UCK2: variants seen among roughly 807,000 people sequenced by gnomAD.
UCK2 encodes the protein uridine-cytidine kinase 2, also known as cytidine monophosphokinase 2.
UCK2 carries 6 observed loss-of-function variants against 30.8 expected under a neutral mutation model. The ratio of observed to expected loss-of-function variants is 0.19; its 90% CI spans 0.11 to 0.38. The LOEUF (loss-of-function observed/expected upper bound fraction) is 0.38. Among genes scored for constraint, UCK2 ranks in the 10% least tolerant of loss-of-function variants. The pLI, the probability that UCK2 is intolerant of heterozygous loss-of-function variation, is 1.00. For missense variants in UCK2, 210 were observed against 339.8 expected, an observed-to-expected ratio of 0.62 and a Z score of 3.00; for synonymous variants, 125 against 133.6, an observed-to-expected ratio of 0.94 and a Z score of 0.45.
Position 165,888,135 on chromosome 1 carries a change from A to G in UCK2, c.100-2069A>G, listed in dbSNP as rs78443602. Among the ~76,000 whole-genome samples, 1,487 of 152,302 alleles carry G rather than the reference A, an allele frequency of 9.8e-3. 23 individuals are homozygous for G. The highest frequency in any genetic ancestry group is 0.034 in the African/African-American group (1,425 of 41,556). ...TTCCTTACGCTCAGGGCAATCAAACACAACTTTATAAGAATTGTAACTTTA... is the reference window on the plus strand; with the variant it reads ...TTCCTTACGCTCAGGGCAATCAAACGCAACTTTATAAGAATTGTAACTTTA... On this transcript the variant is annotated intron_variant, in intron 1 of 6. Coordinates refer to ENST00000367879, the MANE Select transcript of UCK2 (RefSeq NM_012474.5).
intron 1 of UCK2, among the ~76,000 whole-genome samples, chr1:165,876,259 A>G (rs1655331979): frequency 6.6e-6 from 1 of 152,162 alleles, no homozygotes; most frequent in African/African-American, 2.4e-5. Context: ...AGTAATTGCT[A>G]CTCATTTTGA....
At chr1:165,877,271 A>T (rs1201564974) in intron 1 of UCK2, among the ~76,000 whole-genome samples, 1 of 128,830 alleles carries the variant, frequency 7.8e-6, no homozygotes, top group Non-Finnish European at 1.8e-5. Flanking sequence ...TCTTTTTTTT[A>T]GATAAACATT....
At chr1:165,872,053 G>A (rs914506009) in intron 1 of UCK2, among the ~76,000 whole-genome samples, 7 of 149,636 alleles carry the variant, frequency 4.7e-5, no homozygotes, top group African/African-American at 1.7e-4. Context: ...TTTGCCGGCT[G>A]CTCTAGCCAG....
chr1:165,890,411 G>T, intron 2 of UCK2, 48 bp downstream of exon 2: 3 of 1,577,130 alleles, frequency 1.9e-6, no homozygotes, highest in Admixed American at 1.7e-5. Flanking sequence ...GTGTGTTGGG[G>T]GGAATAGTTT....
At chr1:165,835,006 C>CT (rs144156873) in intron 1 of UCK2, among the ~76,000 whole-genome samples, 30 of 151,706 alleles carry the variant, frequency 2.0e-4, no homozygotes, top group African/African-American at 1.2e-4. Flanking sequence ...ACATTTTTAC[C>CT]TTTTTTTTGG....
intron 1 of UCK2, among the ~76,000 whole-genome samples, chr1:165,843,177 A>G (rs1450638072): frequency 6.6e-6 from 1 of 151,838 alleles, no homozygotes; most frequent in Non-Finnish European, 1.5e-5. Flanking sequence ...TTGTGCCTAG[A>G]ATATTGTAGC....
At chr1:165,868,840 A>T (rs1290998484) in intron 1 of UCK2, among the ~76,000 whole-genome samples, 1 of 152,124 alleles carries the variant, frequency 6.6e-6, no homozygotes, top group Non-Finnish European at 1.5e-5. Context: ...TTGCATTCAC[A>T]TCTTGGCTGA....
At chr1:165,834,580 G>T (rs55856497) in intron 1 of UCK2, among the ~76,000 whole-genome samples, 9,136 of 152,250 alleles carry the variant, frequency 0.06, 869 homozygotes, top group African/African-American at 0.2. Context: ...GCCATAATTT[G>T]ATTGGATGAG....
chr1:165,869,546 G>A lies in UCK2; in HGVS notation c.100-20658G>A, dbSNP rs116319111. Among the ~76,000 whole-genome samples, 423 of 151,688 alleles carry A rather than the reference G, an allele frequency of 2.8e-3. 2 individuals are homozygous for A. Among genetic ancestry groups the A allele is most frequent in the African/African-American group, 9.6e-3 (395 of 41,352 alleles). On this transcript the variant is annotated intron_variant, in intron 1 of 6. Transcript: ENST00000367879. The stretch of plus-strand genomic sequence containing the variant: ...ATACAAGTTCACATTCCTGCCAGCA[G>A]TGCACAAGAATTCCTTTTCCTCGCA...
At chr1:165,905,776 A>G in intron 5 of UCK2, 145 bp from the exon 6 acceptor site, 1 of 563,024 alleles carries the variant, frequency 1.8e-6, no homozygotes, top group South Asian at 3.1e-5. Flanking sequence ...TGAAGTTGTA[A>G]ACAATATTAT....
At chr1:165,902,625 A>C in intron 4 of UCK2, 1 of 49,314 alleles carries the variant, frequency 2.0e-5, no homozygotes. Context: ...TTTTTGGCAA[A>C]CCTCTGTGCA....
At chr1:165,829,042 C>T (rs1045873763) in intron 1 of UCK2, among the ~76,000 whole-genome samples, 1 of 152,074 alleles carries the variant, frequency 6.6e-6, no homozygotes, top group Non-Finnish European at 1.5e-5. Context: ...TTTTAGCTCC[C>T]GAACCGACTC....
chr1:165,879,703 G>A (rs751785509), intron 1 of UCK2, among the ~76,000 whole-genome samples: 10 of 151,996 alleles, frequency 6.6e-5, no homozygotes, highest in Non-Finnish European at 1.3e-4. Context: ...GATTCTTGGA[G>A]TTTTGGGGCC....
At position 165,851,418 on chromosome 1, in the gene UCK2, C is replaced by T. The variant is rs558416944; in HGVS notation, c.99+23486C>T. 4.6e-5 allele frequency among the ~76,000 whole-genome samples: 7 copies of T among 152,174 alleles called. No individual in the cohort carries two copies. In the East Asian group the frequency reaches 1.4e-3, roughly 29 times the overall value. ...ATCTGGATGTGGTTAATAGGAGTGCCCTCAGCCCAACCTGAGTACCTTGTG... is the reference window on the plus strand; with the variant it reads ...ATCTGGATGTGGTTAATAGGAGTGCTCTCAGCCCAACCTGAGTACCTTGTG... On this transcript the variant is annotated intron_variant, in intron 1 of 6. Transcript: ENST00000367879.
rs2101891261 is a variant in UCK2, at chr1:165,908,637, C to G, written c.*814C>G. The stretch of plus-strand genomic sequence containing the variant: ...TCCAAGAAGCCAGAGCTGCCTCTTT[C>G]CTTCCCTGGAAGAGATTTTATGGGA... On this transcript the variant is annotated 3_prime_UTR_variant, in exon 7 of 7. Transcript: ENST00000367879. 1 of 152,194 alleles carries G rather than the reference C, an allele frequency of 6.6e-6. No homozygotes were observed. The highest frequency in any genetic ancestry group is 2.1e-4 in the South Asian group (1 of 4,822). The allele number at this position is 152,194 out of a possible 1,614,324, so 9.4% of individuals were successfully genotyped here.
At chr1:165,828,180 C>T (rs1460906905) in intron 1 of UCK2, among the ~76,000 whole-genome samples, 1 of 152,084 alleles carries the variant, frequency 6.6e-6, no homozygotes, top group African/African-American at 2.4e-5. Flanking sequence ...GAGTGCTCCT[C>T]CGGCTTTTCT....
At chr1:165,843,031 C>T (rs1045411017) in intron 1 of UCK2, among the ~76,000 whole-genome samples, 1 of 152,152 alleles carries the variant, frequency 6.6e-6, no homozygotes, top group African/African-American at 2.4e-5. Context: ...CTGTCACTTC[C>T]CCTAGGAAGT....
At chr1:165,889,900 T>G (rs1655723442) in intron 1 of UCK2, among the ~76,000 whole-genome samples, 1 of 152,152 alleles carries the variant, frequency 6.6e-6, no homozygotes, top group South Asian at 2.1e-4. Context: ...TGTCCATGCA[T>G]TCTCATCATT....
At chr1:165,904,657 C>G (rs1647591766) in intron 5 of UCK2, among the ~76,000 whole-genome samples, 1 of 152,206 alleles carries the variant, frequency 6.6e-6, no homozygotes, top group Non-Finnish European at 1.5e-5. Flanking sequence ...TCAGCTCATT[C>G]CCCTGTAAGC....
Sources: allele counts gnomAD v4.1 joint callset (sites outside exome capture counted in the v4.1 genomes callset), GRCh38; gene constraint gnomAD v4.1.1; transcripts MANE v1.5; gene names NCBI Gene and HGNC (gene_info 2026-07-23, HGNC 2026-07-21).